The following ATP8B1 variants were observed in gnomAD, a reference collection of about 807,000 sequenced individuals.
ATP8B1 encodes ATPase phospholipid transporting 8B1, also known as phospholipid-transporting ATPase IC.
ATP8B1 carries 80 observed loss-of-function variants against 149.9 expected under a neutral mutation model. The ratio of observed to expected loss-of-function variants is 0.53; its 90% CI spans 0.45 to 0.64. The LOEUF (loss-of-function observed/expected upper bound fraction) is 0.64. Ranked by LOEUF, ATP8B1 falls within the 30% of genes least tolerant of loss-of-function variation. ATP8B1 has a pLI of 0.00. For synonymous variants in ATP8B1, 536 were observed against 562.8 expected, an observed-to-expected ratio of 0.95 and a Z score of 0.67; for missense variants, 1,247 against 1,552.6, an observed-to-expected ratio of 0.80 and a Z score of 3.31.
intron 1 of ATP8B1, chr18:57,732,133 A>ATATATATGTATGTG (rs764398507): frequency 8.3e-5 from 4 of 48,098 alleles, no homozygotes; most frequent in African/African-American, 2.7e-4. Context: ...ATATGTGTAT[A>ATATATATGTATGTG]TGTATATATG....
chr18:57,719,738 C>G (rs1292797819), intron 2 of ATP8B1, among the ~76,000 whole-genome samples: 2 of 152,210 alleles, frequency 1.3e-5, no homozygotes, highest in Admixed American at 6.5e-5. Context: ...CCGGGAAGCT[C>G]GAACTGGGTG....
rs753256340 is a variant in ATP8B1, at chr18:57,706,505, C to T, written c.264G>A (p.Lys88=). The T allele has an allele frequency of 2.0e-5, 32 of 1,613,624 alleles. No homozygotes were observed. Among genetic ancestry groups the T allele is most frequent in the Non-Finnish European group, 2.7e-5 (32 of 1,179,736 alleles). The change falls in exon 3 of 28, where the codon AAG becomes AAA. Residue 88 remains lysine, a synonymous_variant. Transcript: ENST00000648908. ...AACAACTCACCGCATATTTACTCTC[C>T]TTAATACACAAGAATTTTGTGTTCA... ...HFMNTKFLCI[K]ESKYANNAIK... is the part of the protein sequence containing the mutation.
chr18:57,678,593 A>C (rs958582186), intron 15 of ATP8B1, among the ~76,000 whole-genome samples: 7 of 136,970 alleles, frequency 5.1e-5, no homozygotes, highest in Non-Finnish European at 1.1e-4. Context: ...TCTCAAAAAA[A>C]AAAAAAGAAG....
chr18:57,686,855 C>A (rs892218058), intron 13 of ATP8B1, among the ~76,000 whole-genome samples: 3 of 151,850 alleles, frequency 2.0e-5, no homozygotes, highest in Non-Finnish European at 4.4e-5. Context: ...TTTGTTGTTG[C>A]TATTTTGAGA....
chr18:57,767,882 A>G (rs2080227730), intron 1 of ATP8B1, among the ~76,000 whole-genome samples: 1 of 152,168 alleles, frequency 6.6e-6, no homozygotes, highest in Admixed American at 6.5e-5. Context: ...ATTAGATCTA[A>G]GACTTGCCAG....
At chr18:57,765,065 C>T (rs556089003) in intron 1 of ATP8B1, among the ~76,000 whole-genome samples, 1 of 152,192 alleles carries the variant, frequency 6.6e-6, no homozygotes, top group Non-Finnish European at 1.5e-5. Flanking sequence ...TAACTGGATA[C>T]ACAAAATGTG....
chr18:57,746,549 C>T (rs1257138904), intron 1 of ATP8B1, among the ~76,000 whole-genome samples: 1 of 146,112 alleles, frequency 6.8e-6, no homozygotes, highest in East Asian at 2.0e-4. Flanking sequence ...TCTCTGCTCA[C>T]TACAACCTCC....
chr18:57,764,055 TTATTA>T (rs1157892840), intron 1 of ATP8B1, among the ~76,000 whole-genome samples: 1 of 152,226 alleles, frequency 6.6e-6, no homozygotes, highest in African/African-American at 2.4e-5. Flanking sequence ...GGTTTTCCAC[TTATTA>T]TAATACTTTA....
At chr18:57,781,617 G>A (rs1254761034) in intron 1 of ATP8B1, among the ~76,000 whole-genome samples, 1 of 152,128 alleles carries the variant, frequency 6.6e-6, no homozygotes, top group African/African-American at 2.4e-5. Flanking sequence ...TGGACTCCAG[G>A]GATGAAGAAG....
chr18:57,782,929 C>T (rs1458324664), intron 1 of ATP8B1, among the ~76,000 whole-genome samples: 2 of 148,156 alleles, frequency 1.3e-5, no homozygotes, highest in African/African-American at 5.0e-5. Context: ...TCTCGTGGCT[C>T]AACCTCCCGA....
chr18:57,681,416 A>G (rs964057260), intron 15 of ATP8B1, among the ~76,000 whole-genome samples: 2 of 152,184 alleles, frequency 1.3e-5, no homozygotes, highest in African/African-American at 4.8e-5. Context: ...CAGTCATGCC[A>G]TGCTCAGAAT....
At chr18:57,651,666 T>C (rs1474077809) in intron 26 of ATP8B1, among the ~76,000 whole-genome samples, 1 of 151,946 alleles carries the variant, frequency 6.6e-6, no homozygotes, top group East Asian at 1.9e-4. Flanking sequence ...AGGGTCCCGC[T>C]CTGTCACCTG....
chr18:57,663,857 C>T lies in ATP8B1; in HGVS notation c.2286-1242G>A, dbSNP rs187757556. Among the ~76,000 whole-genome samples, 346 of 148,846 alleles carry T rather than the reference C, an allele frequency of 2.3e-3. 3 individuals carry two copies. Among genetic ancestry groups the T allele is most frequent in the Middle Eastern group, 0.011 (3 of 282 alleles). ...TCTCAGCTCACTGCAACATCCACCT[C>T]CTAGGTTCAAGCTATTCTTCCACCT... On this transcript the variant is annotated intron_variant, in intron 20 of 27. Coordinates refer to ENST00000648908, the MANE Select transcript of ATP8B1 (RefSeq NM_001374385.1).
chr18:57,712,170 C>A (rs534938179), intron 2 of ATP8B1, among the ~76,000 whole-genome samples: 4 of 151,806 alleles, frequency 2.6e-5, no homozygotes, highest in Admixed American at 6.6e-5. Context: ...CAAAAAAGCA[C>A]CTTTATAAAA....
rs547577483 is a variant in ATP8B1 at position 57,802,806 on chromosome 18, C to A, written c.-26+192G>T. Among the ~76,000 whole-genome samples, 1 of 152,230 alleles carries A rather than the reference C, an allele frequency of 6.6e-6. No homozygotes were observed. Among genetic ancestry groups the A allele is most frequent in the Non-Finnish European group, 1.5e-5 (1 of 68,046 alleles). On this transcript the variant is annotated intron_variant, in intron 1 of 27. Coordinates refer to ENST00000648908, the MANE Select transcript of ATP8B1 (RefSeq NM_001374385.1). The surrounding 1 kb of genome is among the most constrained non-coding windows in gnomAD (Gnocchi z 4.9). Reference sequence around the variant, plus strand: ...CGGCCGTGTCTCGCCGTCCCCGAGGCCTCGGGGGCTCCCAGCACCTCCACC... The same window carrying A: ...CGGCCGTGTCTCGCCGTCCCCGAGGACTCGGGGGCTCCCAGCACCTCCACC...
At chr18:57,781,551 A>C (rs941401897) in intron 1 of ATP8B1, among the ~76,000 whole-genome samples, 2 of 152,200 alleles carry the variant, frequency 1.3e-5, no homozygotes, top group African/African-American at 4.8e-5. Flanking sequence ...CCCCATCTGT[A>C]AAGTGAAAAT....
At chr18:57,750,717 G>C (rs2080008634) in intron 1 of ATP8B1, among the ~76,000 whole-genome samples, 1 of 152,192 alleles carries the variant, frequency 6.6e-6, no homozygotes, top group Non-Finnish European at 1.5e-5. Flanking sequence ...CAGTGAATTT[G>C]TGTCTTAGTT....
chr18:57,791,574 C>T (rs966755825), intron 1 of ATP8B1, among the ~76,000 whole-genome samples: 3 of 151,998 alleles, frequency 2.0e-5, no homozygotes, highest in Admixed American at 6.6e-5. Flanking sequence ...GAACTTCCGG[C>T]CTCAAGTTAT....
At chr18:57,678,015 T>G (rs1449742480) in intron 15 of ATP8B1, among the ~76,000 whole-genome samples, 1 of 152,132 alleles carries the variant, frequency 6.6e-6, no homozygotes, top group Non-Finnish European at 1.5e-5. Context: ...CTAACAGAGA[T>G]GGGAAGAACG....
Sources: gnomAD v4.1 joint callset for allele counts (sites outside exome capture counted in the v4.1 genomes callset) on GRCh38, gnomAD v4.1.1 for gene constraint, Gnocchi (gnomAD v3.1) non-coding constraint, MANE v1.5 for transcripts, NCBI Gene and HGNC (gene_info 2026-07-23, HGNC 2026-07-21) for gene names.